The following PLA2R1 variants were observed in gnomAD, a reference collection of about 807,000 sequenced individuals.
PLA2R1 encodes phospholipase A2 receptor 1, also known as secretory phospholipase A2 receptor.
A neutral mutation model predicts 195.9 loss-of-function variants in PLA2R1; 158 were observed. That is an observed-to-expected ratio of 0.81 (90% confidence interval 0.71 to 0.92). The LOEUF (loss-of-function observed/expected upper bound fraction) is 0.92. Ranked by LOEUF, PLA2R1 falls within the 40% of genes least tolerant of loss-of-function variation. PLA2R1 has a pLI of 0.00. For missense variants in PLA2R1, 1,626 were observed against 1,764.6 expected (o/e 0.92, Z 1.41); for synonymous variants, 586 against 598.2 (o/e 0.98, Z 0.30).
At chr2:159,973,124 G>T (rs183088478) in intron 17 of PLA2R1, among the ~76,000 whole-genome samples, 1 of 152,068 alleles carries the variant, frequency 6.6e-6, no homozygotes, top group Admixed American at 6.5e-5. Flanking sequence ...TGAGACAGAA[G>T]TGAGTGGAAT....
chr2:159,941,696 G>C lies in PLA2R1; in HGVS notation c.*82C>G. The C allele has an allele frequency of 2.8e-6, 2 of 707,924 alleles. No individual in the cohort carries two copies. The highest frequency in any genetic ancestry group is 3.5e-5 in the South Asian group (2 of 57,642). 43.9% of individuals were successfully genotyped at this position (707,924 alleles called of 1,614,324 possible). A position where few individuals can be genotyped will look rare whatever the true frequency, so the allele number is the denominator to read the frequency against. Reference sequence around the variant, plus strand: ...CAATTCACATTCTAATGGCATCTGTGCTGTAAAGGGAAAGACAGATGAGAC... The same window carrying C: ...CAATTCACATTCTAATGGCATCTGTCCTGTAAAGGGAAAGACAGATGAGAC... On this transcript the variant is annotated 3_prime_UTR_variant, in exon 30 of 30. Transcript: ENST00000283243.
intron 3 of PLA2R1, among the ~76,000 whole-genome samples, chr2:160,038,619 T>A (rs1694318674): frequency 6.6e-6 from 1 of 152,184 alleles, no homozygotes; most frequent in Non-Finnish European, 1.5e-5. Context: ...GTTGCCAAAC[T>A]GTCTGTCTGA....
At chr2:159,957,942 C>A (rs12373732) in intron 20 of PLA2R1, among the ~76,000 whole-genome samples, 26,900 of 152,068 alleles carry the variant, frequency 0.18, 2,756 homozygotes, top group South Asian at 0.42. Context: ...ACACAGATAA[C>A]CCTAGTCATT....
intron 20 of PLA2R1, among the ~76,000 whole-genome samples, chr2:159,957,287 G>T (rs1388178810): frequency 6.6e-6 from 1 of 152,180 alleles, no homozygotes; most frequent in Non-Finnish European, 1.5e-5. Flanking sequence ...TGTGGAATTT[G>T]GCAATAAAAG....
rs1344736223 is a variant in PLA2R1, at chr2:160,028,104, A to G, written c.1099+114T>C. The G allele has an allele frequency of 1.5e-5, 10 of 657,578 alleles. No individual in the cohort carries two copies. In the East Asian group the frequency reaches 2.9e-4, roughly 19 times the overall value. The allele number at this position is 657,578 out of a possible 1,614,324, so 40.7% of individuals were successfully genotyped here. A position where few individuals can be genotyped will look rare whatever the true frequency, so the allele number is the denominator to read the frequency against. On this transcript the variant is annotated intron_variant, in intron 6 of 29. Transcript: ENST00000283243. ...TACACATCTTTTCATATAAATATAA[A>G]CTAGATTTAGCTAAGTTTACATTAT... is the stretch of plus-strand genomic sequence containing the variant.
At chr2:159,932,002 T>C (rs972066590), downstream of PLA2R1, 1 of 152,248 alleles carries the variant, frequency 6.6e-6, no homozygotes, top group Admixed American at 6.5e-5. Context: ...GTAACAAATA[T>C]AGGTTATTAT....
intron 24 of PLA2R1, among the ~76,000 whole-genome samples, chr2:159,950,564 C>T (rs72954854): frequency 0.067 from 10,155 of 152,146 alleles, 418 homozygotes; most frequent in Non-Finnish European, 0.097. Context: ...TTACATGCTG[C>T]GTTCTAAAGA....
intron 18 of PLA2R1, 38 bp downstream of exon 18, chr2:159,970,110 T>C (rs1417740826): frequency 7.3e-7 from 1 of 1,374,294 alleles, no homozygotes; most frequent in Non-Finnish European, 1.0e-6. Flanking sequence ...ATAAAACCTG[T>C]CAAACAAAAT....
intron 24 of PLA2R1, among the ~76,000 whole-genome samples, chr2:159,950,429 T>G (rs1687661440): frequency 6.6e-6 from 1 of 152,222 alleles, no homozygotes; most frequent in Non-Finnish European, 1.5e-5. Context: ...GCAGCAATTT[T>G]ACTTCTAAAA....
intron 11 of PLA2R1, among the ~76,000 whole-genome samples, chr2:159,990,997 C>T (rs1690744073): frequency 6.6e-6 from 1 of 152,194 alleles, no homozygotes; most frequent in Non-Finnish European, 1.5e-5. Context: ...GGCACAGAGG[C>T]TTAGTAACTT....
chr2:160,041,105 AG>A (rs1389600359), intron 3 of PLA2R1, among the ~76,000 whole-genome samples: 3 of 152,204 alleles, frequency 2.0e-5, no homozygotes, highest in Non-Finnish European at 2.9e-5. Context: ...TTATTTGCTA[AG>A]CCATACTAGC....
At chr2:160,018,138 G>A (rs888156107) in intron 8 of PLA2R1, among the ~76,000 whole-genome samples, 4 of 151,722 alleles carry the variant, frequency 2.6e-5, no homozygotes, top group Admixed American at 2.0e-4. Flanking sequence ...CCAGAAAAGG[G>A]GCCATAAAAT....
At chr2:160,045,512 G>C (rs56297666) in intron 1 of PLA2R1, among the ~76,000 whole-genome samples, 45,892 of 152,092 alleles carry the variant, frequency 0.3, 8,722 homozygotes, top group Non-Finnish European at 0.42. Context: ...CAGGGCTCCC[G>C]GGGAGGGACA....
chr2:160,042,213 T>C lies in PLA2R1; in HGVS notation c.494-15A>G. The C allele has an allele frequency of 6.2e-7, 1 of 1,608,334 alleles. No individual in the cohort carries two copies. Among genetic ancestry groups the C allele is most frequent in the South Asian group, 1.1e-5 (1 of 90,568 alleles). On this transcript the variant is annotated splice_polypyrimidine_tract_variant and intron_variant, in intron 2 of 29. Coordinates refer to ENST00000283243, the MANE Select transcript of PLA2R1 (RefSeq NM_007366.5). ...TGTATGCAAATCTAGGAGAAAGAAA[T>C]GTACAAAGTCAGATAAGTATGATGT...
At chr2:159,978,901 T>C (rs183095656) in intron 14 of PLA2R1, among the ~76,000 whole-genome samples, 7 of 151,942 alleles carry the variant, frequency 4.6e-5, no homozygotes, top group Non-Finnish European at 1.0e-4. Flanking sequence ...TCATGAGATA[T>C]TATAACATTG....
rs1417783157 is a variant in PLA2R1 at position 160,045,096 on chromosome 2, C to T, written c.171G>A (p.Ser57=). The change falls in exon 2 of 30, where the codon TCG becomes TCA. Residue 57 remains serine (S), a synonymous_variant. Coordinates refer to ENST00000283243, the MANE Select transcript of PLA2R1 (RefSeq NM_007366.5). ...GCTTGCAGTTCTCCAGGGTCAGAAC[C>T]GATTTACCTGCTTGAATGCATTTCT... ...SLKKCIQAGK[S]VLTLENCKQA... 8 of 1,612,960 alleles carry T rather than the reference C, an allele frequency of 5.0e-6. No individual in the cohort carries two copies. The highest frequency in any genetic ancestry group is 4.2e-6 in the Non-Finnish European group (5 of 1,179,060).
chr2:159,972,246 G>A (rs1413310686), intron 17 of PLA2R1, among the ~76,000 whole-genome samples: 1 of 152,154 alleles, frequency 6.6e-6, no homozygotes, highest in African/African-American at 2.4e-5. Flanking sequence ...CATAGGAGAT[G>A]CTAGAAGATA....
chr2:159,943,340 T>C (rs947680371), intron 28 of PLA2R1, among the ~76,000 whole-genome samples: 2 of 152,206 alleles, frequency 1.3e-5, no homozygotes, highest in African/African-American at 2.4e-5. Context: ...ATATGTATTA[T>C]TGTGTTTTTA....
At chr2:159,989,322 A>G (rs1690590953) in intron 11 of PLA2R1, among the ~76,000 whole-genome samples, 1 of 152,252 alleles carries the variant, frequency 6.6e-6, no homozygotes, top group Non-Finnish European at 1.5e-5. Context: ...GAGATGCTGC[A>G]TGCTCTGTGC....
Sources: gnomAD v4.1 joint callset for allele counts (sites outside exome capture counted in the v4.1 genomes callset) on GRCh38, gnomAD v4.1.1 for gene constraint, MANE v1.5 for transcripts, NCBI Gene and HGNC (gene_info 2026-07-23, HGNC 2026-07-21) for gene names.